Variants in GSG1L observed in about 807,000 individuals in gnomAD.
GSG1L encodes germ cell-specific gene 1-like protein.
GSG1L carries 24 observed loss-of-function variants against 42.1 expected under a neutral mutation model. That is an observed-to-expected ratio of 0.57 (90% CI 0.41 to 0.80). GSG1L has a LOEUF of 0.80. Ranked by LOEUF, GSG1L falls within the 30% of genes least tolerant of loss-of-function variation. The pLI, the probability that GSG1L is intolerant of heterozygous loss-of-function variation, is 0.00. For missense variants in GSG1L, 445 were observed against 472.2 expected, an observed-to-expected ratio of 0.94 and a Z score of 0.53; for synonymous variants, 215 against 203.5, an observed-to-expected ratio of 1.06 and a Z score of -0.48.
At chr16:28,053,145 G>A (rs1046799155) in intron 1 of GSG1L, among the ~76,000 whole-genome samples, 2 of 152,162 alleles carry the variant, frequency 1.3e-5, no homozygotes, top group African/African-American at 4.8e-5. Context: ...AGAGAGAAGG[G>A]GGTGGCATGC....
intron 2 of GSG1L, among the ~76,000 whole-genome samples, chr16:27,896,191 C>T (rs149499359): frequency 2.6e-5 from 4 of 152,168 alleles, no homozygotes; most frequent in Non-Finnish European, 4.4e-5. Context: ...GTTCAGCCTG[C>T]AGCTGTACTT....
chr16:28,022,616 C>T (rs1185883928), intron 1 of GSG1L, among the ~76,000 whole-genome samples: 1 of 151,746 alleles, frequency 6.6e-6, no homozygotes, highest in Non-Finnish European at 1.5e-5. Flanking sequence ...GGAATACAGG[C>T]GTGCACCACC....
At chr16:27,921,344 A>T (rs1266113721) in intron 2 of GSG1L, among the ~76,000 whole-genome samples, 1 of 152,158 alleles carries the variant, frequency 6.6e-6, no homozygotes, top group Non-Finnish European at 1.5e-5. Context: ...CCCTGCCAAG[A>T]CTTGGTCCAG....
At chr16:27,910,536 G>T (rs1030775044) in intron 2 of GSG1L, among the ~76,000 whole-genome samples, 1 of 152,168 alleles carries the variant, frequency 6.6e-6, no homozygotes, top group Non-Finnish European at 1.5e-5. Flanking sequence ...CAAGACCAAG[G>T]TTTGAACCAG....
intron 2 of GSG1L, among the ~76,000 whole-genome samples, chr16:27,926,507 GAAAAAAAAAAAACAAA>G (rs1213878608): frequency 2.8e-5 from 4 of 144,106 alleles, no homozygotes; most frequent in African/African-American, 7.9e-5. Context: ...TATCTGTGCT[GAAAAAAAAAAAACAAA>G]AAAACAAAAA....
chr16:27,884,100 G>A lies in GSG1L; in HGVS notation c.550+386C>T, dbSNP rs937245774. On this transcript the variant is annotated intron_variant, in intron 3 of 6. Coordinates refer to ENST00000447459, the MANE Select transcript of GSG1L (RefSeq NM_001109763.2). The surrounding 1 kb of genome is among the most constrained non-coding windows in gnomAD (Gnocchi z 4.4). ...AGTGGCTTCTCTTTTACATCCCAGG[G>A]AAAGGCGGCACAGTCAGCCTATTCT... is the stretch of plus-strand genomic sequence containing the variant. Among the ~76,000 whole-genome samples the A allele has an allele frequency of 5.9e-5, 9 of 152,268 alleles. No homozygotes were observed. The highest frequency in any genetic ancestry group is 3.9e-4 in the East Asian group (2 of 5,178).
chr16:27,888,476 CTCTTTCCTTTCTTTCTTTCTT>C (rs2084068353), intron 2 of GSG1L, among the ~76,000 whole-genome samples: 1 of 60,012 alleles, frequency 1.7e-5, no homozygotes, highest in Admixed American at 2.5e-4. Flanking sequence ...CTCTCTCTCT[CTCTTTCCTTTCTTTCTTTCTT>C]TCTTTCTTTC....
Position 27,884,627 on chromosome 16 carries a change from G to A in GSG1L, c.409C>T (p.Leu137=). ...APASEKGVLW[L]SVVSEVLYIL... is the part of the protein sequence containing the mutation. ...TACAGCACCTCGGAGACCACAGACA[G>A]CCACAGGACCCCTGTCCAACAGAGG... is the stretch of plus-strand genomic sequence containing the variant. The change falls in exon 3 of 7, where the codon CTG becomes TTG. Residue 137 remains leucine (L), a synonymous_variant. Coordinates refer to ENST00000447459, the MANE Select transcript of GSG1L (RefSeq NM_001109763.2). This position sits in a 1 kb window ranked among gnomAD's most constrained non-coding sequence, Gnocchi z 4.4. 1 of 1,586,984 alleles carries A rather than the reference G, an allele frequency of 6.3e-7. No individual in the cohort carries two copies. Among genetic ancestry groups the A allele is most frequent in the South Asian group, 1.1e-5 (1 of 87,208 alleles).
intron 2 of GSG1L, among the ~76,000 whole-genome samples, chr16:27,885,795 A>G (rs2084020551): frequency 6.6e-6 from 1 of 152,196 alleles, no homozygotes; most frequent in African/African-American, 2.4e-5. Flanking sequence ...GCTGTTCCTG[A>G]AGACCACCTG....
intron 2 of GSG1L, among the ~76,000 whole-genome samples, chr16:27,934,263 G>C (rs938154807): frequency 6.6e-6 from 1 of 152,210 alleles, no homozygotes; most frequent in African/African-American, 2.4e-5. Context: ...CGAGCTATGG[G>C]CCAGGCGTGG....
intron 1 of GSG1L, among the ~76,000 whole-genome samples, chr16:28,002,907 G>A (rs1049724477): frequency 3.9e-5 from 6 of 152,194 alleles, no homozygotes; most frequent in African/African-American, 1.2e-4. Context: ...CTGCACTCCA[G>A]CCTGGGTGAC....
chr16:27,863,689 G>C (rs1437688277), intron 3 of GSG1L, among the ~76,000 whole-genome samples: 1 of 152,208 alleles, frequency 6.6e-6, no homozygotes, highest in Non-Finnish European at 1.5e-5. Flanking sequence ...TCAGCTCAGG[G>C]AACTATCATA....
chr16:28,000,044 A>G (rs958329743), intron 1 of GSG1L, among the ~76,000 whole-genome samples: 2 of 152,248 alleles, frequency 1.3e-5, no homozygotes, highest in Non-Finnish European at 2.9e-5. Context: ...AGAGGTTCAG[A>G]GGAATGGAGA....
intron 3 of GSG1L, among the ~76,000 whole-genome samples, chr16:27,848,677 A>T (rs1341638530): frequency 6.6e-6 from 1 of 152,122 alleles, no homozygotes; most frequent in Non-Finnish European, 1.5e-5. Context: ...CCATGAAAAA[A>T]CTAAAATAGG....
At chr16:27,993,370 G>A (rs1025134715) in intron 1 of GSG1L, among the ~76,000 whole-genome samples, 12 of 152,088 alleles carry the variant, frequency 7.9e-5, no homozygotes, top group Non-Finnish European at 1.3e-4. Context: ...GGCTGGCCTC[G>A]AACTCCTGAG....
intron 1 of GSG1L, among the ~76,000 whole-genome samples, chr16:28,004,644 G>A (rs1306224290): frequency 6.6e-6 from 1 of 152,014 alleles, no homozygotes; most frequent in Non-Finnish European, 1.5e-5. Context: ...CAAGCAAAGT[G>A]GTGCGTGCCT....
chr16:28,018,602 C>T (rs552307043), intron 1 of GSG1L, among the ~76,000 whole-genome samples: 26 of 152,238 alleles, frequency 1.7e-4, no homozygotes, highest in Non-Finnish European at 3.4e-4. Flanking sequence ...CTTCCCTTTT[C>T]AGTCTCCTTG....
chr16:27,881,808 C>T (rs1283305071), intron 3 of GSG1L, among the ~76,000 whole-genome samples: 1 of 152,142 alleles, frequency 6.6e-6, no homozygotes, highest in Non-Finnish European at 1.5e-5. Flanking sequence ...CCACCCACTC[C>T]CACCCGCCTC....
intron 3 of GSG1L, among the ~76,000 whole-genome samples, chr16:27,863,688 G>A (rs1413945879): frequency 1.3e-5 from 2 of 152,182 alleles, no homozygotes; most frequent in Non-Finnish European, 2.9e-5. Flanking sequence ...CTCAGCTCAG[G>A]GAACTATCAT....
Sources: gnomAD v4.1 joint callset for allele counts (sites outside exome capture counted in the v4.1 genomes callset) on GRCh38, gnomAD v4.1.1 for gene constraint, Gnocchi (gnomAD v3.1) non-coding constraint, MANE v1.5 for transcripts, NCBI Gene and HGNC (gene_info 2026-07-23, HGNC 2026-07-21) for gene names.